PPP3CA: variants seen among roughly 807,000 people sequenced by gnomAD.
The protein encoded by PPP3CA is protein phosphatase 3 catalytic subunit alpha.
Under a neutral mutation model 66.5 loss-of-function variants are expected in PPP3CA, and 14 were observed. The ratio of observed to expected loss-of-function variants is 0.21; its 90% CI spans 0.14 to 0.33. PPP3CA has a LOEUF of 0.33. Ranked by LOEUF, PPP3CA falls within the 10% of genes least tolerant of loss-of-function variation. The pLI, the probability that PPP3CA is intolerant of heterozygous loss-of-function variation, is 1.00. For missense variants in PPP3CA, 317 were observed against 639.5 expected (o/e 0.50, Z 5.44); for synonymous variants, 232 against 226.2 (o/e 1.03, Z -0.23).
chr4:101,220,231 G>C (rs1248520485), intron 1 of PPP3CA, among the ~76,000 whole-genome samples: 1 of 151,026 alleles, frequency 6.6e-6, no homozygotes, highest in East Asian at 1.9e-4. Flanking sequence ...GACAAGGTCA[G>C]GGAACACTTT....
intron 2 of PPP3CA, among the ~76,000 whole-genome samples, chr4:101,177,831 CA>C (rs36034031): frequency 5.5e-5 from 8 of 145,204 alleles, no homozygotes; most frequent in African/African-American, 1.3e-4. Context: ...GAATTAAGCA[CA>C]AAAAAAAAAC....
intron 1 of PPP3CA, among the ~76,000 whole-genome samples, chr4:101,281,419 TC>T (rs912640697): frequency 1.8e-4 from 28 of 152,334 alleles, no homozygotes; most frequent in African/African-American, 6.3e-4. Context: ...AAAGAGGACT[TC>T]CTGGGGCAAT....
At chr4:101,218,532 A>G (rs994360096) in intron 1 of PPP3CA, among the ~76,000 whole-genome samples, 4 of 151,918 alleles carry the variant, frequency 2.6e-5, no homozygotes, top group African/African-American at 9.7e-5. Flanking sequence ...CATAGCTCTC[A>G]CCATATGAGG....
intron 1 of PPP3CA, among the ~76,000 whole-genome samples, chr4:101,219,098 T>C (rs551378990): frequency 3.3e-5 from 5 of 152,182 alleles, no homozygotes; most frequent in Admixed American, 2.0e-4. Context: ...CAGCAGGGCA[T>C]ACAATGGGGG....
intron 1 of PPP3CA, among the ~76,000 whole-genome samples, chr4:101,312,918 G>C (rs1728772581): frequency 6.6e-6 from 1 of 152,068 alleles, no homozygotes; most frequent in Non-Finnish European, 1.5e-5. Flanking sequence ...GCTACAGAAG[G>C]CAAAAAATAC....
chr4:101,267,161 C>G (rs577422589), intron 1 of PPP3CA, among the ~76,000 whole-genome samples: 3 of 152,178 alleles, frequency 2.0e-5, no homozygotes, highest in Non-Finnish European at 2.9e-5. Context: ...GATAATGGAA[C>G]TTAATTACTT....
intron 2 of PPP3CA, among the ~76,000 whole-genome samples, chr4:101,178,138 T>G (rs1022070902): frequency 6.6e-6 from 1 of 152,104 alleles, no homozygotes; most frequent in African/African-American, 2.4e-5. Context: ...GAGGAGCATG[T>G]TAGGTAACTT....
chr4:101,152,518 T>C (rs1278729722), intron 2 of PPP3CA, among the ~76,000 whole-genome samples: 1 of 152,248 alleles, frequency 6.6e-6, no homozygotes, highest in African/African-American at 2.4e-5. Flanking sequence ...GATCATGTAA[T>C]GTCATAGGCT....
chr4:101,072,046 A>G (rs1728941665), intron 8 of PPP3CA, among the ~76,000 whole-genome samples: 1 of 152,258 alleles, frequency 6.6e-6, no homozygotes, highest in African/African-American at 2.4e-5. Flanking sequence ...ACCTATTTAC[A>G]AAGTGGCCTC....
chr4:101,131,278 A>AAATAAAT (rs1353966773), intron 2 of PPP3CA, among the ~76,000 whole-genome samples: 2 of 132,840 alleles, frequency 1.5e-5, no homozygotes, highest in African/African-American at 7.5e-5. Context: ...ATAAATAAAT[A>AAATAAAT]AAATAAAAAG....
At chr4:101,159,961 TAA>T (rs1723449216) in intron 2 of PPP3CA, among the ~76,000 whole-genome samples, 1 of 152,132 alleles carries the variant, frequency 6.6e-6, no homozygotes, top group Admixed American at 6.5e-5. Context: ...GAACTATCTA[TAA>T]AATATTCTGT....
At chr4:101,341,208 C>CTT (rs374057607) in intron 1 of PPP3CA, among the ~76,000 whole-genome samples, 2,739 of 134,804 alleles carry the variant, frequency 0.02, 87 homozygotes, top group African/African-American at 0.074. Context: ...TTTTCTTTTT[C>CTT]TTTTTTTTTT....
intron 1 of PPP3CA, among the ~76,000 whole-genome samples, chr4:101,337,681 T>C (rs1338465198): frequency 6.6e-6 from 1 of 152,222 alleles, no homozygotes; most frequent in African/African-American, 2.4e-5. Context: ...CTGGAAATAT[T>C]CATTCAGAAC....
intron 1 of PPP3CA, among the ~76,000 whole-genome samples, chr4:101,308,567 T>TC (rs1453531861): frequency 6.6e-6 from 1 of 152,050 alleles, no homozygotes. Context: ...AGCTTCAGCC[T>TC]CCCAAGTAGC....
chr4:101,148,887 T>C (rs1723048965), intron 2 of PPP3CA, among the ~76,000 whole-genome samples: 1 of 152,100 alleles, frequency 6.6e-6, no homozygotes, highest in Admixed American at 6.5e-5. Flanking sequence ...AGATTCCAAA[T>C]GAGGAAAAAA....
At chr4:101,037,801 T>C (rs1202074520) in intron 11 of PPP3CA, among the ~76,000 whole-genome samples, 1 of 152,226 alleles carries the variant, frequency 6.6e-6, no homozygotes, top group East Asian at 1.9e-4. Context: ...CTCAAGGATA[T>C]GGACTTCAGT....
intron 1 of PPP3CA, among the ~76,000 whole-genome samples, chr4:101,326,776 G>C (rs1729222032): frequency 6.6e-6 from 1 of 152,184 alleles, no homozygotes; most frequent in South Asian, 2.1e-4. Context: ...AGTAACATAA[G>C]CTTTTCCTCC....
At chr4:101,041,903 A>G (rs1727539348) in intron 10 of PPP3CA, among the ~76,000 whole-genome samples, 2 of 151,926 alleles carry the variant, frequency 1.3e-5, no homozygotes, top group Non-Finnish European at 2.9e-5. Flanking sequence ...ATCCAAATGA[A>G]CAGTTTGAGT....
chr4:101,057,232 T>C (rs188689729), intron 10 of PPP3CA, among the ~76,000 whole-genome samples: 1 of 152,176 alleles, frequency 6.6e-6, no homozygotes, highest in Admixed American at 6.5e-5. Flanking sequence ...TTTTTTTGTA[T>C]CTTTAGTAGA....
Sources: gnomAD v4.1 joint callset for allele counts (sites outside exome capture counted in the v4.1 genomes callset) on GRCh38, gnomAD v4.1.1 for gene constraint, MANE v1.5 for transcripts, NCBI Gene and HGNC (gene_info 2026-07-23, HGNC 2026-07-21) for gene names.